Variants in ANKRD55 observed in about 807,000 individuals in gnomAD.
The protein encoded by ANKRD55 is ankyrin repeat domain-containing protein 55.
A neutral mutation model predicts 60.6 loss-of-function variants in ANKRD55; 41 were observed. The observed-to-expected ratio is 0.68, with a 90% confidence interval of 0.53 to 0.88. The LOEUF (loss-of-function observed/expected upper bound fraction) is 0.88. Ranked by LOEUF, ANKRD55 falls within the 40% of genes least tolerant of loss-of-function variation. ANKRD55 has a pLI of 0.00. For synonymous variants in ANKRD55, 264 were observed against 290.3 expected, an observed-to-expected ratio of 0.91 and a Z score of 0.92; for missense variants, 732 against 767.6, an observed-to-expected ratio of 0.95 and a Z score of 0.55.
In ANKRD55 at chr5:56,168,785, C is replaced by CTTGG. The variant is rs1218420459; in HGVS notation, c.422+1905_422+1908dup. Among the ~76,000 whole-genome samples the CTTGG allele has an allele frequency of 3.9e-5, 6 of 152,216 alleles. 1 individual carries two copies. The highest frequency in any genetic ancestry group is 1.5e-5 in the Non-Finnish European group (1 of 68,028). ...TGAAGGTGCTACAGAATGGAAGAAG[C>CTTGG]TTGGGTCCCTGAATTGCCATGTGGC... On this transcript the variant is annotated intron_variant, in intron 5 of 11. Transcript: ENST00000341048.
At position 56,217,545 on chromosome 5, in the gene ANKRD55, C is replaced by T. The variant is rs138527270; in HGVS notation, c.58+15311G>A. On this transcript the variant is annotated intron_variant, in intron 2 of 11. Transcript: ENST00000341048. The stretch of plus-strand genomic sequence containing the variant: ...AAAACCTTTGCTCTATTAGTTTCTG[C>T]CAGAGAAAATAAAAAAAAATAAGAA... Among the ~76,000 whole-genome samples, 1,359 of 150,484 alleles carry T rather than the reference C, an allele frequency of 9.0e-3. 16 individuals carry two copies. The highest frequency in any genetic ancestry group is 0.032 in the African/African-American group (1,295 of 40,144).
chr5:56,219,273 CAAAA>C (rs35909700), intron 2 of ANKRD55, among the ~76,000 whole-genome samples: 1 of 97,030 alleles, frequency 1.0e-5, no homozygotes, highest in Non-Finnish European at 2.2e-5. Context: ...ACTCTGCCTC[CAAAA>C]AAAAAAAAAA....
Position 56,149,847 on chromosome 5 carries a change from T to C in ANKRD55, c.484-5918A>G, listed in dbSNP as rs546012543. Among the ~76,000 whole-genome samples, 306 of 151,496 alleles carry C rather than the reference T, an allele frequency of 2.0e-3. 1 individual carries two copies. Among genetic ancestry groups the C allele is most frequent in the African/African-American group, 7.1e-3 (294 of 41,380 alleles). On this transcript the variant is annotated intron_variant, in intron 6 of 11. Coordinates refer to ENST00000341048, the MANE Select transcript of ANKRD55 (RefSeq NM_024669.3). ...CATCTTTATTTTCACTAACTTCTTT[T>C]TTTTTTTTTTTTGAGACGGAGTCTC...
intron 11 of ANKRD55, 60 bp downstream of exon 11, chr5:56,102,434 A>T: frequency 1.7e-6 from 2 of 1,149,238 alleles, no homozygotes; most frequent in Non-Finnish European, 1.3e-6. Context: ...AATAACATTT[A>T]GTTGTGTCTA....
At position 56,100,015 on chromosome 5, in the gene ANKRD55, A is replaced by T. The variant is rs1756220643; in HGVS notation, c.*168T>A. On this transcript the variant is annotated 3_prime_UTR_variant, in exon 12 of 12. Transcript: ENST00000341048. ...GCACACCCAAATATTCTAAGTGCTT[A>T]TTTAGGGAGTATCTTTATTTGGAAT... 1.1e-6 allele frequency: 1 copy of T among 869,648 alleles called. No homozygotes were observed. Among genetic ancestry groups the T allele is most frequent in the Admixed American group, 2.4e-5 (1 of 41,764 alleles). The allele number at this position is 869,648 out of a possible 1,614,324, so 53.9% of individuals were successfully genotyped here.
In ANKRD55 at chr5:56,127,579, A is replaced by C. The variant is rs532414700; in HGVS notation, c.613-473T>G. On this transcript the variant is annotated intron_variant, in intron 7 of 11. Transcript: ENST00000341048. Reference sequence around the variant, plus strand: ...TTGGTGGCGCAGTGATGCACTTAAAAAGCTTGTTTCGGGGTAGGGCCAAGG... The same window carrying C: ...TTGGTGGCGCAGTGATGCACTTAAACAGCTTGTTTCGGGGTAGGGCCAAGG... 8.7e-5 allele frequency: 86 copies of C among 985,276 alleles called. No homozygotes were observed. In the African/African-American group the frequency reaches 1.1e-3, roughly 13 times the overall value. The allele number at this position is 985,276 out of a possible 1,614,324, so 61.0% of individuals were successfully genotyped here.
intron 2 of ANKRD55, among the ~76,000 whole-genome samples, chr5:56,185,040 G>A (rs1156318405): frequency 6.6e-6 from 1 of 152,058 alleles, no homozygotes; most frequent in East Asian, 1.9e-4. Flanking sequence ...GGCCAATGTG[G>A]AGAAACCCAG....
intron 2 of ANKRD55, chr5:56,193,106 G>T (rs1484812790): frequency 5.7e-6 from 4 of 695,834 alleles, no homozygotes; most frequent in African/African-American, 5.5e-5. Flanking sequence ...TTCAAAATAT[G>T]ATTCTAAAGA....
chr5:56,216,819 G>A lies in ANKRD55; in HGVS notation c.58+16037C>T, dbSNP rs564501169. Among the ~76,000 whole-genome samples, 5 of 152,350 alleles carry A rather than the reference G, an allele frequency of 3.3e-5. No individual in the cohort carries two copies. The South Asian group carries it at 8.3e-4, about 25-fold the overall frequency. On this transcript the variant is annotated intron_variant, in intron 2 of 11. Transcript: ENST00000341048. ...TGTTTCATGAGGTTTAAGGAGAGAAGCCATCTCTATAACACAAAAATGGAA... is the reference window on the plus strand; with the variant it reads ...TGTTTCATGAGGTTTAAGGAGAGAAACCATCTCTATAACACAAAAATGGAA...
At chr5:56,166,149 T>TC (rs1368857561) in intron 5 of ANKRD55, among the ~76,000 whole-genome samples, 1,258 of 63,038 alleles carry the variant, frequency 0.02, 64 homozygotes, top group African/African-American at 0.1. Context: ...TTTCTTTCTT[T>TC]CTTTCTTCTT....
intron 2 of ANKRD55, among the ~76,000 whole-genome samples, chr5:56,222,077 T>C (rs1020822268): frequency 2.6e-5 from 4 of 151,860 alleles, no homozygotes; most frequent in African/African-American, 4.8e-5. Context: ...CCGAGTAGCC[T>C]AACTGGGAGG....
At chr5:56,111,019 C>T in intron 10 of ANKRD55, 99 bp downstream of exon 10, 1 of 1,381,120 alleles carries the variant, frequency 7.2e-7, no homozygotes, top group Non-Finnish European at 9.9e-7. Flanking sequence ...TCTCACCCTG[C>T]CTTCTAGGCT....
intron 2 of ANKRD55, among the ~76,000 whole-genome samples, chr5:56,224,503 G>A (rs1168626066): frequency 1.3e-5 from 2 of 152,136 alleles, no homozygotes; most frequent in African/African-American, 4.8e-5. Context: ...AGAACTGAAG[G>A]AGATAGAGAC....
At chr5:56,186,734 A>G (rs1758984200) in intron 2 of ANKRD55, among the ~76,000 whole-genome samples, 4 of 152,208 alleles carry the variant, frequency 2.6e-5, no homozygotes, top group Non-Finnish European at 5.9e-5. Context: ...ATTGCACAGA[A>G]CATTAGTCCC....
chr5:56,171,254 C>A lies in ANKRD55; in HGVS notation c.313-451G>T, dbSNP rs562325165. On this transcript the variant is annotated intron_variant, in intron 4 of 11. Transcript: ENST00000341048. ...ACTGCAATGGCTGGGACCCTGCCAC[C>A]TTGTTGACTGATCTTTCTGATGCTG... 2.6e-5 allele frequency among the ~76,000 whole-genome samples: 4 copies of A among 152,262 alleles called. No individual in the cohort carries two copies. The South Asian group carries it at 8.3e-4, about 32-fold the overall frequency.
rs143676482 is a variant in ANKRD55, at chr5:56,141,389, AT to A, written c.612+2411del. On this transcript the variant is annotated intron_variant, in intron 7 of 11. Coordinates refer to ENST00000341048, the MANE Select transcript of ANKRD55 (RefSeq NM_024669.3). The stretch of plus-strand genomic sequence containing the variant: ...GTAGCTGGGATTATAGGCACATGCC[AT>A]TATGCCCAGCTCCAGTTTTGAAAAA... Among the ~76,000 whole-genome samples the A allele has an allele frequency of 6.4e-3, 977 of 152,228 alleles. 11 individuals are homozygous for A. Among genetic ancestry groups the A allele is most frequent in the African/African-American group, 0.022 (924 of 41,538 alleles).
intron 8 of ANKRD55, among the ~76,000 whole-genome samples, chr5:56,121,397 G>A (rs1349096297): frequency 1.6e-5 from 2 of 126,816 alleles, no homozygotes; most frequent in African/African-American, 6.2e-5. Flanking sequence ...TTTTTGAGAT[G>A]GAGTCTCACT....
At chr5:56,193,894 G>A (rs1433705142) in intron 2 of ANKRD55, among the ~76,000 whole-genome samples, 2 of 152,202 alleles carry the variant, frequency 1.3e-5, no homozygotes, top group Non-Finnish European at 2.9e-5. Flanking sequence ...TGGTGGCCAA[G>A]TAGAGGAACT....
intron 5 of ANKRD55, among the ~76,000 whole-genome samples, chr5:56,165,445 GTTTC>G (rs1185149237): frequency 2.0e-5 from 3 of 152,086 alleles, no homozygotes; most frequent in Non-Finnish European, 4.4e-5. Context: ...TGTTTATGGT[GTTTC>G]TTTCTATCTT....
Sources: gnomAD v4.1 joint callset for allele counts (sites outside exome capture counted in the v4.1 genomes callset) on GRCh38, gnomAD v4.1.1 for gene constraint, MANE v1.5 for transcripts, NCBI Gene and HGNC (gene_info 2026-07-23, HGNC 2026-07-21) for gene names.